XKR4: variants seen among roughly 807,000 people sequenced by gnomAD.
XKR4 encodes XK-related protein 4.
A neutral mutation model predicts 53.9 loss-of-function variants in XKR4; 12 were observed. The observed-to-expected ratio is 0.22, with a 90% CI of 0.14 to 0.36. The LOEUF (loss-of-function observed/expected upper bound fraction) is 0.36. Ranked by LOEUF, XKR4 falls within the 10% of genes least tolerant of loss-of-function variation. The pLI is 1.00. For synonymous variants in XKR4, 354 were observed against 362.4 expected, an observed-to-expected ratio of 0.98 and a Z score of 0.26; for missense variants, 799 against 859.5, an observed-to-expected ratio of 0.93 and a Z score of 0.88.
chr8:55,253,586 G>A (rs1363219309), intron 1 of XKR4, among the ~76,000 whole-genome samples: 8 of 152,116 alleles, frequency 5.3e-5, no homozygotes, highest in Non-Finnish European at 8.8e-5. Flanking sequence ...TTACCTTAAG[G>A]ATTTATGATG....
chr8:55,468,254 A>G (rs1388804987), intron 2 of XKR4, among the ~76,000 whole-genome samples: 1 of 152,120 alleles, frequency 6.6e-6, no homozygotes, highest in Non-Finnish European at 1.5e-5. Context: ...GGTCGTGGGA[A>G]ATATACCACA....
chr8:55,427,809 C>T (rs1290864862), intron 2 of XKR4, among the ~76,000 whole-genome samples: 1 of 152,132 alleles, frequency 6.6e-6, no homozygotes, highest in Non-Finnish European at 1.5e-5. Flanking sequence ...ATTTATCCAA[C>T]AAATGTTTAT....
chr8:55,194,965 G>A lies in XKR4; in HGVS notation c.806+91671G>A, dbSNP rs148915471. ...ATTATATTCCATGATAGATGTCTAC[G>A]TGACTGGGAACGTATAATTTGGAAA... On this transcript the variant is annotated intron_variant, in intron 1 of 2. Transcript: ENST00000327381. Among the ~76,000 whole-genome samples the A allele has an allele frequency of 1.4e-4, 22 of 152,278 alleles. No homozygotes were observed. In the East Asian group the frequency reaches 3.9e-3, roughly 27 times the overall value.
chr8:55,205,806 C>T (rs887327528), intron 1 of XKR4, among the ~76,000 whole-genome samples: 6 of 152,122 alleles, frequency 3.9e-5, no homozygotes, highest in African/African-American at 9.7e-5. Context: ...TGGTTCCCTC[C>T]GGTGGGTTCT....
chr8:55,150,660 A>G (rs937670617), intron 1 of XKR4, among the ~76,000 whole-genome samples: 1 of 152,140 alleles, frequency 6.6e-6, no homozygotes, highest in Non-Finnish European at 1.5e-5. Context: ...TTCAGATGTT[A>G]CCAGACAATT....
intron 2 of XKR4, among the ~76,000 whole-genome samples, chr8:55,498,224 G>A (rs75372102): frequency 0.012 from 1,778 of 152,314 alleles, 30 homozygotes; most frequent in African/African-American, 0.041. Flanking sequence ...CAGCCGCTGC[G>A]CCCTAAGGCC....
At chr8:55,411,970 A>G (rs917990793) in intron 2 of XKR4, among the ~76,000 whole-genome samples, 1 of 152,196 alleles carries the variant, frequency 6.6e-6, no homozygotes, top group Admixed American at 6.5e-5. Context: ...TAGTCTACCC[A>G]AAATCATGTA....
chr8:55,396,399 G>GTTTTTGTTTTTTT (rs1804518901), intron 2 of XKR4, among the ~76,000 whole-genome samples: 1 of 88,750 alleles, frequency 1.1e-5, no homozygotes, highest in African/African-American at 4.9e-5. Flanking sequence ...TTTTTGTTTG[G>GTTTTTGTTTTTTT]TTTTTTTTTT....
At chr8:55,519,386 G>GA (rs1806766186) in intron 2 of XKR4, among the ~76,000 whole-genome samples, 2 of 152,112 alleles carry the variant, frequency 1.3e-5, no homozygotes, top group African/African-American at 4.8e-5. Flanking sequence ...TGATGATCCT[G>GA]AAAAAATACA....
intron 2 of XKR4, among the ~76,000 whole-genome samples, chr8:55,456,390 C>A (rs1805570576): frequency 6.6e-6 from 1 of 151,682 alleles, no homozygotes; most frequent in African/African-American, 2.4e-5. Context: ...GAGGTTGCGC[C>A]ATTGTACTCC....
rs1806960873 is a variant in XKR4 at position 55,532,049 on chromosome 8, A to G, written c.*7822A>G. 6.6e-6 allele frequency: 1 copy of G among 152,240 alleles called. No individual in the cohort carries two copies. The highest frequency in any genetic ancestry group is 1.9e-4 in the East Asian group (1 of 5,192). 9.4% of individuals were successfully genotyped at this position (152,240 alleles called of 1,614,324 possible). A position where few individuals can be genotyped will look rare whatever the true frequency, so the allele number is the denominator to read the frequency against. Reference sequence around the variant, plus strand: ...TATAAGCAGCAGATTGTTAAAGATCACTATTAACTTGTATAACTAATTTTC... The same window carrying G: ...TATAAGCAGCAGATTGTTAAAGATCGCTATTAACTTGTATAACTAATTTTC... On this transcript the variant is annotated 3_prime_UTR_variant, in exon 3 of 3. Coordinates refer to ENST00000327381, the MANE Select transcript of XKR4 (RefSeq NM_052898.2).
intron 1 of XKR4, among the ~76,000 whole-genome samples, chr8:55,245,618 G>A (rs939440693): frequency 6.6e-6 from 1 of 152,114 alleles, no homozygotes; most frequent in Non-Finnish European, 1.5e-5. Context: ...AACTTGCCAA[G>A]TGCAAAGCAG....
chr8:55,533,535 A>C lies in XKR4; in HGVS notation c.*9308A>C, dbSNP rs1306441274. The C allele has an allele frequency of 6.6e-6, 1 of 152,226 alleles. No individual in the cohort carries two copies. Among genetic ancestry groups the C allele is most frequent in the Non-Finnish European group, 1.5e-5 (1 of 68,032 alleles). The allele number at this position is 152,226 out of a possible 1,614,324, so 9.4% of individuals were successfully genotyped here. A position where few individuals can be genotyped will look rare whatever the true frequency, so the allele number is the denominator to read the frequency against. On this transcript the variant is annotated 3_prime_UTR_variant, in exon 3 of 3. Transcript: ENST00000327381. The stretch of plus-strand genomic sequence containing the variant: ...AGCTTGGGGCTCTGTGGAAAGATGT[A>C]AATCCCTCCTGCTGTAAGAGGAGGG...
At chr8:55,240,450 A>G (rs559069522) in intron 1 of XKR4, among the ~76,000 whole-genome samples, 1 of 152,354 alleles carries the variant, frequency 6.6e-6, no homozygotes, top group Admixed American at 6.5e-5. Context: ...GGACAGTTTA[A>G]CTAGCATCTG....
intron 1 of XKR4, among the ~76,000 whole-genome samples, chr8:55,224,381 A>C (rs543552691): frequency 3.0e-4 from 45 of 152,292 alleles, no homozygotes; most frequent in African/African-American, 9.9e-4. Flanking sequence ...CAATTTTAGA[A>C]TTTGCAAACG....
chr8:55,294,789 GT>G (rs1441072066), intron 1 of XKR4, among the ~76,000 whole-genome samples: 1 of 152,160 alleles, frequency 6.6e-6, no homozygotes, highest in Non-Finnish European at 1.5e-5. Context: ...ATAGGTGAGT[GT>G]TTGCAGCCTT....
intron 1 of XKR4, among the ~76,000 whole-genome samples, chr8:55,264,978 G>A (rs1367595827): frequency 2.0e-5 from 3 of 152,196 alleles, no homozygotes; most frequent in Non-Finnish European, 4.4e-5. Context: ...AGTTCTGTCT[G>A]CTACAGCCAG....
At chr8:55,153,749 A>G (rs1816869317) in intron 1 of XKR4, among the ~76,000 whole-genome samples, 1 of 152,244 alleles carries the variant, frequency 6.6e-6, no homozygotes, top group Admixed American at 6.5e-5. Context: ...GCATGGAGAC[A>G]GAGATCAAGT....
intron 2 of XKR4, among the ~76,000 whole-genome samples, chr8:55,419,005 G>A (rs999980635): frequency 6.6e-6 from 1 of 152,006 alleles, no homozygotes; most frequent in Non-Finnish European, 1.5e-5. Context: ...GACAGGCAGC[G>A]CTTTCTCCTG....
Sources: gnomAD v4.1 joint callset for allele counts (sites outside exome capture counted in the v4.1 genomes callset) on GRCh38, gnomAD v4.1.1 for gene constraint, MANE v1.5 for transcripts, NCBI Gene and HGNC (gene_info 2026-07-23, HGNC 2026-07-21) for gene names.